AKAIN1: variants seen among roughly 807,000 people sequenced by gnomAD.
AKAIN1 encodes the protein A-kinase anchor protein inhibitor 1.
Under a neutral mutation model 3.7 loss-of-function variants are expected in AKAIN1, and 3 were observed. The ratio of observed to expected loss-of-function variants is 0.82; its 90% CI spans 0.37 to 2.12. The LOEUF (loss-of-function observed/expected upper bound fraction) is 2.12. Ranked by LOEUF, AKAIN1 falls within the 30% of genes most tolerant of loss-of-function variation. The pLI is 0.06. For missense variants in AKAIN1, 82 were observed against 82.7 expected (o/e 0.99, Z 0.03); for synonymous variants, 31 against 30.8 (o/e 1.01, Z -0.02).
At chr18:5,148,717 C>T (rs1002308516) in intron 1 of AKAIN1, among the ~76,000 whole-genome samples, 20 of 151,986 alleles carry the variant, frequency 1.3e-4, no homozygotes, top group Admixed American at 4.6e-4. Flanking sequence ...ATTAGTCTGG[C>T]GTGGTGGCGA....
upstream of AKAIN1, chr18:5,197,458 T>C: frequency 8.4e-7 from 1 of 1,189,984 alleles, no homozygotes; most frequent in Non-Finnish European, 1.0e-6. This position sits in a 1 kb window ranked among gnomAD's most constrained non-coding sequence, Gnocchi z 6.9. Context: ...TTACCTGCTG[T>C]GGCTCGTCGC....
At chr18:5,197,300 CAGT>C (rs1210453652), upstream of AKAIN1, 3 of 1,350,800 alleles carry the variant, frequency 2.2e-6, no homozygotes, top group Non-Finnish European at 2.8e-6. This position sits in a 1 kb window ranked among gnomAD's most constrained non-coding sequence, Gnocchi z 6.9. Flanking sequence ...AATCCCCGCT[CAGT>C]CCATCCCTCA....
intron 1 of AKAIN1, among the ~76,000 whole-genome samples, chr18:5,174,399 G>C (rs978592670): frequency 6.6e-6 from 1 of 152,140 alleles, no homozygotes; most frequent in Non-Finnish European, 1.5e-5. Context: ...GCAAAGAGTG[G>C]TAAGCAAGTT....
chr18:5,175,922 A>G (rs1420362822), intron 1 of AKAIN1, among the ~76,000 whole-genome samples: 1 of 152,108 alleles, frequency 6.6e-6, no homozygotes, highest in Non-Finnish European at 1.5e-5. Flanking sequence ...TAGTGCATTT[A>G]ATGATATTTT....
chr18:5,189,454 A>C (rs2071306794), intron 1 of AKAIN1, among the ~76,000 whole-genome samples: 1 of 152,018 alleles, frequency 6.6e-6, no homozygotes, highest in South Asian at 2.1e-4. Context: ...TTTAATTATA[A>C]ATTTTGTCTT....
At chr18:5,156,625 G>T (rs2071110025) in intron 1 of AKAIN1, among the ~76,000 whole-genome samples, 1 of 152,148 alleles carries the variant, frequency 6.6e-6, no homozygotes, top group Non-Finnish European at 1.5e-5. Flanking sequence ...ATTCAGTAAT[G>T]CTTTTAGATG....
intron 1 of AKAIN1, among the ~76,000 whole-genome samples, chr18:5,179,755 T>C (rs2071246772): frequency 6.6e-6 from 1 of 152,122 alleles, no homozygotes; most frequent in Admixed American, 6.6e-5. Flanking sequence ...AGGACACACA[T>C]CAAATACATC....
chr18:5,160,346 A>G (rs973545144), intron 1 of AKAIN1, among the ~76,000 whole-genome samples: 22 of 152,194 alleles, frequency 1.4e-4, no homozygotes, highest in African/African-American at 5.3e-4. Context: ...AATGAGGTTG[A>G]ACATCTATTC....
chr18:5,165,918 G>T (rs1162726624), intron 1 of AKAIN1, among the ~76,000 whole-genome samples: 1 of 152,016 alleles, frequency 6.6e-6, no homozygotes. Flanking sequence ...TAGGCTTGCA[G>T]CAAGCCTCAA....
chr18:5,162,663 T>TGC (rs1190197801), intron 1 of AKAIN1, among the ~76,000 whole-genome samples: 1 of 148,054 alleles, frequency 6.8e-6, no homozygotes, highest in Non-Finnish European at 1.5e-5. Context: ...TGTGTGTGTG[T>TGC]GTAGCTGCTG....
chr18:5,195,934 T>G (rs1256986361), intron 1 of AKAIN1, among the ~76,000 whole-genome samples: 1 of 152,102 alleles, frequency 6.6e-6, no homozygotes, highest in East Asian at 1.9e-4. Context: ...CCTCCCCAGC[T>G]AGCATTCTGA....
chr18:5,154,375 T>G (rs2071095207), intron 1 of AKAIN1, among the ~76,000 whole-genome samples: 1 of 152,148 alleles, frequency 6.6e-6, no homozygotes, highest in Non-Finnish European at 1.5e-5. Context: ...TGTTATGAGT[T>G]CAGAGAGACT....
At chr18:5,176,525 G>T (rs1003578421) in intron 1 of AKAIN1, among the ~76,000 whole-genome samples, 2 of 152,114 alleles carry the variant, frequency 1.3e-5, no homozygotes, top group Non-Finnish European at 2.9e-5. Context: ...GAAGCCAAGT[G>T]TTTAAAATCC....
chr18:5,149,426 G>A (rs200182320), intron 1 of AKAIN1, among the ~76,000 whole-genome samples: 4 of 152,112 alleles, frequency 2.6e-5, no homozygotes, highest in Admixed American at 2.0e-4. Context: ...TACAAATGTC[G>A]TAGCCAAGTG....
chr18:5,166,603 C>A (rs1320459435), intron 1 of AKAIN1, among the ~76,000 whole-genome samples: 1 of 152,012 alleles, frequency 6.6e-6, no homozygotes, highest in African/African-American at 2.4e-5. Context: ...CAGAAGAAAA[C>A]AAAGTTTGTT....
At chr18:5,160,946 A>AAGCCTTAACATTTG (rs2071135679) in intron 1 of AKAIN1, among the ~76,000 whole-genome samples, 1 of 112,732 alleles carries the variant, frequency 8.9e-6, no homozygotes, top group Non-Finnish European at 2.3e-5. Context: ...CTTAAATACT[A>AAGCCTTAACATTTG]GTACTTTATA....
chr18:5,151,868 C>G (rs556952328), intron 1 of AKAIN1, among the ~76,000 whole-genome samples: 2 of 152,296 alleles, frequency 1.3e-5, no homozygotes, highest in South Asian at 4.1e-4. Flanking sequence ...TTCACTCATA[C>G]ATATATTCAT....
At chr18:5,194,094 A>G (rs2071335487) in intron 1 of AKAIN1, among the ~76,000 whole-genome samples, 1 of 152,176 alleles carries the variant, frequency 6.6e-6, no homozygotes, top group Admixed American at 6.5e-5. Context: ...ATTTAGGTAT[A>G]TATGGTACTT....
chr18:5,192,445 C>CTTTA (rs1555611456), intron 1 of AKAIN1, among the ~76,000 whole-genome samples: 1 of 126,156 alleles, frequency 7.9e-6, no homozygotes, highest in Admixed American at 8.1e-5. Flanking sequence ...TTCTTTCTTT[C>CTTTA]TTTTTCTTTT....
Sources: gnomAD v4.1 joint callset for allele counts (sites outside exome capture counted in the v4.1 genomes callset) on GRCh38, gnomAD v4.1.1 for gene constraint, Gnocchi (gnomAD v3.1) non-coding constraint, MANE v1.5 for transcripts, NCBI Gene and HGNC (gene_info 2026-07-23, HGNC 2026-07-21) for gene names.